ROR2: variants seen among roughly 807,000 people sequenced by gnomAD.
ROR2 encodes tyrosine-protein kinase transmembrane receptor ROR2.
A neutral mutation model predicts 74.9 loss-of-function variants in ROR2; 33 were observed. That is an observed-to-expected ratio of 0.44 (90% CI 0.33 to 0.59). The LOEUF (loss-of-function observed/expected upper bound fraction) is 0.59. Ranked by LOEUF, ROR2 falls within the 20% of genes least tolerant of loss-of-function variation. ROR2 has a pLI of 0.02. For missense variants in ROR2, 1,216 were observed against 1,313.8 expected (o/e 0.93, Z 1.15); for synonymous variants, 586 against 558.7 (o/e 1.05, Z -0.69).
intron 1 of ROR2, among the ~76,000 whole-genome samples, chr9:91,796,816 ATCTGTGGGTGGGGCTGACACCCTGGGC>A: frequency 1.2e-5 from 1 of 85,348 alleles, no homozygotes; most frequent in Non-Finnish European, 2.2e-5. Context: ...ACACCCTGGG[ATCTGTGGGTGGGGCTGACACCCTGGGC>A]TCTGTGGGTG....
chr9:91,783,790 G>A (rs1191614000), intron 1 of ROR2, among the ~76,000 whole-genome samples: 3 of 152,162 alleles, frequency 2.0e-5, no homozygotes, highest in South Asian at 2.1e-4. Context: ...TGTGGGTAAC[G>A]ACCCTATTCA....
intron 1 of ROR2, among the ~76,000 whole-genome samples, chr9:91,910,576 C>T (rs1336704246): frequency 6.6e-6 from 1 of 152,096 alleles, no homozygotes; most frequent in Non-Finnish European, 1.5e-5. Flanking sequence ...GCAAATCATA[C>T]ATCTAATAAC....
Position 91,724,053 on chromosome 9 carries a change from G to T in ROR2, c.2441C>A (p.Pro814Gln). The change falls in exon 9 of 9, where the codon CCG becomes CAG. Residue 814 changes from proline (P) to glutamine (Q), a missense_variant. By Grantham distance (76) the Pro-to-Gln change is moderately conservative. Coordinates refer to ENST00000375708, the MANE Select transcript of ROR2 (RefSeq NM_004560.4). ...MKGQIRPMVP[P>Q]PQLYVPVNGY... ...GTTGACGGGGACGTAGAGCTGCGGC[G>T]GGGGCACCATGGGTCTGATCTGGCC... 1 of 1,610,228 alleles carries T rather than the reference G, an allele frequency of 6.2e-7. No homozygotes were observed.
At chr9:91,943,028 A>G (rs79736533) in intron 1 of ROR2, among the ~76,000 whole-genome samples, 8,942 of 152,200 alleles carry the variant, frequency 0.059, 304 homozygotes, top group Middle Eastern at 0.082. Context: ...CTGGATGCCT[A>G]TTTTGTTCCT....
At chr9:91,854,393 G>C (rs1244836632) in intron 1 of ROR2, among the ~76,000 whole-genome samples, 1 of 152,178 alleles carries the variant, frequency 6.6e-6, no homozygotes, top group Non-Finnish European at 1.5e-5. Context: ...ACCAAGACTT[G>C]ACTGGCATGG....
At chr9:91,927,562 CTT>C (rs775823582) in intron 1 of ROR2, among the ~76,000 whole-genome samples, 4,737 of 94,826 alleles carry the variant, frequency 0.05, 137 homozygotes, top group East Asian at 0.2. Flanking sequence ...TTTCTAGATT[CTT>C]TTTTTTTTTT....
intron 1 of ROR2, among the ~76,000 whole-genome samples, chr9:91,899,862 GGTGCACT>G (rs1450365271): frequency 1.3e-5 from 2 of 151,920 alleles, no homozygotes; most frequent in African/African-American, 4.8e-5. Context: ...CACACACACA[GGTGCACT>G]GTGCATACAC....
At chr9:91,833,771 C>T (rs2119193589) in intron 1 of ROR2, among the ~76,000 whole-genome samples, 1 of 152,188 alleles carries the variant, frequency 6.6e-6, no homozygotes, top group South Asian at 2.1e-4. Flanking sequence ...CTGGAGCATC[C>T]CCTCTGCCCC....
At chr9:91,774,641 T>C (rs1490032045) in intron 2 of ROR2, among the ~76,000 whole-genome samples, 1 of 152,164 alleles carries the variant, frequency 6.6e-6, no homozygotes, top group Non-Finnish European at 1.5e-5. Flanking sequence ...GCCAAGGAGA[T>C]GAGAACTCAG....
intron 1 of ROR2, among the ~76,000 whole-genome samples, chr9:91,945,665 A>C (rs1445974021): frequency 1.3e-5 from 2 of 152,228 alleles, no homozygotes; most frequent in Non-Finnish European, 2.9e-5. Flanking sequence ...AGGACTTAAA[A>C]AGAAAACACC....
chr9:91,826,423 G>C (rs1347774355), intron 1 of ROR2, among the ~76,000 whole-genome samples: 1 of 152,048 alleles, frequency 6.6e-6, no homozygotes, highest in Non-Finnish European at 1.5e-5. Flanking sequence ...AAATATACTG[G>C]TTAATTACAT....
chr9:91,908,280 G>A (rs985894039), intron 1 of ROR2, among the ~76,000 whole-genome samples: 2 of 152,204 alleles, frequency 1.3e-5, no homozygotes, highest in Non-Finnish European at 1.5e-5. Flanking sequence ...TGGGGCACCC[G>A]CAGCACATCC....
At chr9:91,822,039 A>G (rs1828155118) in intron 1 of ROR2, among the ~76,000 whole-genome samples, 1 of 152,360 alleles carries the variant, frequency 6.6e-6, no homozygotes, top group Admixed American at 6.5e-5. Context: ...AAAAGGCTAG[A>G]AAAAAAGGCG....
chr9:91,744,411 T>C (rs545726104), intron 4 of ROR2, among the ~76,000 whole-genome samples: 10 of 151,798 alleles, frequency 6.6e-5, no homozygotes, highest in African/African-American at 1.9e-4. Flanking sequence ...TTAGTAGAGA[T>C]AGAGTTTCAT....
intron 1 of ROR2, among the ~76,000 whole-genome samples, chr9:91,796,639 G>C (rs1827182260): frequency 6.6e-6 from 1 of 152,092 alleles, no homozygotes; most frequent in Admixed American, 6.5e-5. Flanking sequence ...CAGTGGGAGG[G>C]GTTGACATCC....
chr9:91,892,731 A>G (rs909676295), intron 1 of ROR2, among the ~76,000 whole-genome samples: 3 of 151,654 alleles, frequency 2.0e-5, no homozygotes, highest in African/African-American at 7.3e-5. Flanking sequence ...CTGGGACTAC[A>G]GGTGCCCACC....
At chr9:91,859,542 G>T (rs928215451) in intron 1 of ROR2, among the ~76,000 whole-genome samples, 19 of 152,130 alleles carry the variant, frequency 1.2e-4, no homozygotes, top group Non-Finnish European at 1.9e-4. Flanking sequence ...CATGTTTCAG[G>T]CCAGGCAGGG....
chr9:91,865,273 C>T (rs1829595030), intron 1 of ROR2, among the ~76,000 whole-genome samples: 1 of 152,214 alleles, frequency 6.6e-6, no homozygotes, highest in Non-Finnish European at 1.5e-5. Context: ...GCGCTCTTCA[C>T]TCGGTTACAG....
intron 1 of ROR2, among the ~76,000 whole-genome samples, chr9:91,802,660 C>A (rs1281708596): frequency 6.6e-6 from 1 of 151,322 alleles, no homozygotes; most frequent in African/African-American, 2.5e-5. Context: ...CCAGTTTCAA[C>A]AGCACCAGCA....
Sources: allele counts gnomAD v4.1 joint callset (sites outside exome capture counted in the v4.1 genomes callset), GRCh38; gene constraint gnomAD v4.1.1; transcripts MANE v1.5; gene names NCBI Gene and HGNC (gene_info 2026-07-23, HGNC 2026-07-21).